The following MAP3K13 variants were observed in gnomAD, a reference collection of about 807,000 sequenced individuals.
MAP3K13 encodes the protein mitogen-activated protein kinase kinase kinase 13, also known as leucine zipper-bearing kinase.
In MAP3K13, 52 loss-of-function variants were observed where a neutral mutation model predicts 104.0. The observed-to-expected ratio is 0.50, with a 90% CI of 0.40 to 0.63. The LOEUF (loss-of-function observed/expected upper bound fraction) is 0.63, where lower values mean the gene tolerates loss of function less well. Among genes scored for constraint, MAP3K13 ranks in the 20% least tolerant of loss-of-function variants. The pLI is 0.00. For missense variants in MAP3K13, 914 were observed against 1,218.5 expected (o/e 0.75, Z 3.72); for synonymous variants, 394 against 442.2 (o/e 0.89, Z 1.37).
At chr3:185,308,702 G>A (rs151334726) in intron 2 of MAP3K13, among the ~76,000 whole-genome samples, 1 of 152,198 alleles carries the variant, frequency 6.6e-6, no homozygotes, top group East Asian at 1.9e-4. Flanking sequence ...CATTCCCTTG[G>A]GCACTTCCCT....
chr3:185,385,190 T>C (rs1307257117), intron 1 of MAP3K13, among the ~76,000 whole-genome samples: 1 of 152,106 alleles, frequency 6.6e-6, no homozygotes, highest in Non-Finnish European at 1.5e-5. Flanking sequence ...TCACTCTGTC[T>C]CTCAGGCTGG....
Position 185,299,407 on chromosome 3 carries a change from A to C in MAP3K13, c.-86+13764A>C, listed in dbSNP as rs533067227. ...CAAAAGGAGCCTGCACTCACTTGCA[A>C]GCTTTCTTCTGTGGGCCCTTGTGTT... On this transcript the variant is annotated intron_variant, in intron 2 of 14. Coordinates refer to the MAP3K13 transcript ENST00000424227. Among the ~76,000 whole-genome samples the C allele has an allele frequency of 2.6e-5, 4 of 152,380 alleles. No homozygotes were observed. The South Asian group carries it at 8.3e-4, about 32-fold the overall frequency.
intron 4 of MAP3K13, 194 bp downstream of exon 4, chr3:185,443,830 G>T: frequency 2.0e-6 from 1 of 504,112 alleles, no homozygotes; most frequent in Non-Finnish European, 3.5e-6. Context: ...ATACGTCCAG[G>T]TATCTGAAAC....
chr3:185,345,078 G>T (rs1489051489), intron 2 of MAP3K13, among the ~76,000 whole-genome samples: 4 of 152,070 alleles, frequency 2.6e-5, no homozygotes, highest in African/African-American at 9.7e-5. Flanking sequence ...GGCCAGGCTG[G>T]TCTTGAACTC....
At chr3:185,417,804 C>T in intron 1 of MAP3K13, 1 of 1,611,920 alleles carries the variant, frequency 6.2e-7, no homozygotes, top group Non-Finnish European at 8.5e-7. Flanking sequence ...TTAGCTTCAA[C>T]ATGATTCTCA....
chr3:185,331,617 C>G (rs1190053048), intron 2 of MAP3K13, among the ~76,000 whole-genome samples: 1 of 152,066 alleles, frequency 6.6e-6, no homozygotes, highest in Non-Finnish European at 1.5e-5. Context: ...GTAGTAGACA[C>G]TTGGTAAATC....
intron 1 of MAP3K13, among the ~76,000 whole-genome samples, chr3:185,393,675 G>A (rs1011607820): frequency 6.6e-6 from 1 of 152,038 alleles, no homozygotes; most frequent in African/African-American, 2.4e-5. Context: ...AGCCAGGATG[G>A]TCTTGATCTC....
At chr3:185,454,326 G>GAT (rs544682932) in intron 7 of MAP3K13, among the ~76,000 whole-genome samples, 1 of 8,484 alleles carries the variant, frequency 1.2e-4, no homozygotes, top group Non-Finnish European at 5.7e-4. Context: ...ATATATATGA[G>GAT]ATATATATGA....
chr3:185,486,661 C>T lies in MAP3K13; in HGVS notation c.*4205C>T, dbSNP rs1240920130. 6.6e-6 allele frequency: 1 copy of T among 152,232 alleles called. No individual in the cohort carries two copies. 9.4% of individuals were successfully genotyped at this position (152,232 alleles called of 1,614,324 possible). The stretch of plus-strand genomic sequence containing the variant: ...GCTGCTTCATTGATGGAAAGTTTCA[C>T]CATCTTGGGATGAATGTCCATGTTC... On this transcript the variant is annotated 3_prime_UTR_variant, in exon 14 of 14. Coordinates refer to ENST00000265026, the MANE Select transcript of MAP3K13 (RefSeq NM_004721.5).
At chr3:185,361,274 G>A (rs1560065153), upstream of MAP3K13, among the ~76,000 whole-genome samples, 1 of 151,158 alleles carries the variant, frequency 6.6e-6, no homozygotes, top group Non-Finnish European at 1.5e-5. Context: ...TAGTTAGTCT[G>A]TATTGTTTTG....
At chr3:185,431,239 T>C (rs937385424) in intron 2 of MAP3K13, among the ~76,000 whole-genome samples, 11 of 152,246 alleles carry the variant, frequency 7.2e-5, no homozygotes, top group African/African-American at 2.2e-4. Context: ...TGTTTTGTAA[T>C]ATTTTGTCAC....
chr3:185,324,435 C>T (rs1005371628), intron 2 of MAP3K13, among the ~76,000 whole-genome samples: 1 of 152,130 alleles, frequency 6.6e-6, no homozygotes, highest in African/African-American at 2.4e-5. Context: ...TATTTTCTCG[C>T]TTTAAAATCT....
chr3:185,339,990 T>C (rs1722657885), intron 2 of MAP3K13, among the ~76,000 whole-genome samples: 1 of 63,120 alleles, frequency 1.6e-5, no homozygotes, highest in African/African-American at 4.1e-5. Context: ...TAATTATTTC[T>C]TTTCCTTTTT....
chr3:185,291,248 A>C (rs1720726129), intron 2 of MAP3K13, among the ~76,000 whole-genome samples: 2 of 152,222 alleles, frequency 1.3e-5, no homozygotes. Context: ...TCAGAGATCA[A>C]AAGCTCTTTA....
chr3:185,455,061 GATATATATGAGATATATGTGAGAT>G lies in MAP3K13; in HGVS notation c.1278+3695_1278+3718del, dbSNP rs1560118273. 9.3e-4 allele frequency among the ~76,000 whole-genome samples: 82 copies of G among 87,786 alleles called. 2 individuals carry two copies. Among genetic ancestry groups the G allele is most frequent in the East Asian group, 1.4e-3 (4 of 2,856 alleles). The allele number at this position is 87,786 out of a possible 152,430, so 57.6% of individuals were successfully genotyped here. ...TGATATATATATGAGATATATGTGA[GATATATATGAGATATATGTGAGAT>G]ATATATATGAGATATATGTGAGATA... is the stretch of plus-strand genomic sequence containing the variant. On this transcript the variant is annotated intron_variant, in intron 7 of 13. Transcript: ENST00000265026.
intron 1 of MAP3K13, among the ~76,000 whole-genome samples, chr3:185,374,376 T>C (rs1224415105): frequency 6.6e-6 from 1 of 152,078 alleles, no homozygotes; most frequent in Non-Finnish European, 1.5e-5. Context: ...AGGGGCGGCG[T>C]GGGAACCTAG....
upstream of MAP3K13, chr3:185,362,928 GAA>G (rs1478189896): frequency 1.8e-5 from 2 of 109,920 alleles, no homozygotes; most frequent in African/African-American, 8.5e-5. Context: ...ATCACAGCTT[GAA>G]ACACACACAC....
At chr3:185,463,446 T>G in intron 7 of MAP3K13, 104 bp from the exon 8 acceptor site, 1 of 646,154 alleles carries the variant, frequency 1.5e-6, no homozygotes, top group South Asian at 2.1e-5. Flanking sequence ...AAAAGGCTCT[T>G]CAGTAGAAGC....
chr3:185,361,949 C>T (rs953039098), upstream of MAP3K13, among the ~76,000 whole-genome samples: 2 of 152,202 alleles, frequency 1.3e-5, no homozygotes, highest in African/African-American at 4.8e-5. Flanking sequence ...GAAAAGTTTT[C>T]CTTTTCCAAA....
Sources: allele counts gnomAD v4.1 joint callset (sites outside exome capture counted in the v4.1 genomes callset), GRCh38; gene constraint gnomAD v4.1.1; transcripts MANE v1.5; gene names NCBI Gene and HGNC (gene_info 2026-07-23, HGNC 2026-07-21).